Variants in MTHFD1L observed in about 807,000 individuals in gnomAD.
MTHFD1L encodes the protein monofunctional C1-tetrahydrofolate synthase, mitochondrial.
Under a neutral mutation model 119.5 loss-of-function variants are expected in MTHFD1L, and 81 were observed. That is an observed-to-expected ratio of 0.68 (90% CI 0.57 to 0.82). The LOEUF is 0.82. MTHFD1L is among the 40% of genes least tolerant of loss of function. The pLI is 0.00. For synonymous variants in MTHFD1L, 430 were observed against 475.2 expected (o/e 0.90, Z 1.24); for missense variants, 1,125 against 1,253.4 (o/e 0.90, Z 1.55).
chr6:151,048,848 C>A (rs904222126), intron 26 of MTHFD1L, among the ~76,000 whole-genome samples: 3 of 152,216 alleles, frequency 2.0e-5, no homozygotes, highest in Admixed American at 6.5e-5. Flanking sequence ...TAGCACGCTT[C>A]TGTGGCTGGC....
chr6:151,056,802 T>G (rs1790013238), intron 26 of MTHFD1L, among the ~76,000 whole-genome samples: 1 of 152,180 alleles, frequency 6.6e-6, no homozygotes, highest in East Asian at 1.9e-4. Flanking sequence ...TGTGCTTGTC[T>G]GTTTCCCCAC....
At chr6:150,957,614 G>A (rs558622642) in intron 17 of MTHFD1L, among the ~76,000 whole-genome samples, 1 of 152,270 alleles carries the variant, frequency 6.6e-6, no homozygotes, top group Admixed American at 6.5e-5. Flanking sequence ...CAATCCAAAT[G>A]TCCAACAGTA....
intron 16 of MTHFD1L, among the ~76,000 whole-genome samples, chr6:150,952,719 G>C (rs1424936082): frequency 6.6e-6 from 1 of 152,052 alleles, no homozygotes; most frequent in Non-Finnish European, 1.5e-5. Context: ...TAGTAGAGAC[G>C]GGGTTTCATC....
intron 20 of MTHFD1L, among the ~76,000 whole-genome samples, chr6:150,979,699 C>T (rs1777160916): frequency 6.6e-6 from 1 of 152,040 alleles, no homozygotes; most frequent in Non-Finnish European, 1.5e-5. Context: ...GGAGTTTCTC[C>T]ATGTTAGCCA....
chr6:151,094,463 A>C (rs555423867), intron 27 of MTHFD1L, among the ~76,000 whole-genome samples: 14 of 152,306 alleles, frequency 9.2e-5, no homozygotes, highest in Admixed American at 8.5e-4. Context: ...CCCGGGTTCA[A>C]GCAATTCTCT....
chr6:151,038,176 G>A (rs562084223), intron 26 of MTHFD1L, among the ~76,000 whole-genome samples: 1 of 152,286 alleles, frequency 6.6e-6, no homozygotes, highest in South Asian at 2.1e-4. Context: ...GGTTTGAATA[G>A]CACAGAGGTA....
chr6:151,065,158 G>A (rs971037518), intron 26 of MTHFD1L, among the ~76,000 whole-genome samples: 11 of 152,126 alleles, frequency 7.2e-5, no homozygotes, highest in South Asian at 2.1e-4. Context: ...TGGTGATGGC[G>A]TTTAATTTAG....
In MTHFD1L at chr6:151,039,912, C is replaced by T. The variant is rs201674948; in HGVS notation, c.2847+2795C>T. 7.4e-6 allele frequency among the ~76,000 whole-genome samples: 1 copy of T among 135,382 alleles called. No individual in the cohort carries two copies. The allele number at this position is 135,382 out of a possible 152,430, so 88.8% of individuals were successfully genotyped here. On this transcript the variant is annotated intron_variant, in intron 26 of 27. Coordinates refer to ENST00000367321, the MANE Select transcript of MTHFD1L (RefSeq NM_015440.5). The surrounding 1 kb of genome is among the most constrained non-coding windows in gnomAD (Gnocchi z 4.4). ...CCTGGGTGACAGAGCAAGACTTCAT[C>T]TCTAAATACATACATACATACATAC...
chr6:150,920,061 TGTAGGGCTGCTCACA>T (rs1344681145), intron 9 of MTHFD1L, among the ~76,000 whole-genome samples: 2 of 152,172 alleles, frequency 1.3e-5, no homozygotes, highest in East Asian at 3.8e-4. Flanking sequence ...TCCACCTCTC[TGTAGGGCTGCTCACA>T]GTGTGGCAGC....
chr6:150,956,848 A>G (rs960258427), intron 17 of MTHFD1L, among the ~76,000 whole-genome samples: 5 of 150,524 alleles, frequency 3.3e-5, no homozygotes, highest in African/African-American at 9.8e-5. Flanking sequence ...TAAAAAGTGA[A>G]TGTAGGTATT....
chr6:150,896,943 TAA>T (rs59564631), intron 7 of MTHFD1L, among the ~76,000 whole-genome samples: 1 of 146,618 alleles, frequency 6.8e-6, no homozygotes, highest in South Asian at 2.2e-4. Context: ...CTGTCTCTAC[TAA>T]AAAAAAAAAT....
intron 26 of MTHFD1L, among the ~76,000 whole-genome samples, chr6:151,070,233 G>A (rs1791811303): frequency 6.6e-6 from 1 of 152,140 alleles, no homozygotes; most frequent in Admixed American, 6.5e-5. Context: ...ATACTATAAA[G>A]TACTATAATT....
intron 27 of MTHFD1L, chr6:151,100,023 T>G: frequency 1.4e-6 from 1 of 689,796 alleles, no homozygotes. Context: ...AAGAAATATT[T>G]TCTTTCTTTT....
At chr6:151,076,785 A>T (rs1032346214) in intron 26 of MTHFD1L, among the ~76,000 whole-genome samples, 1 of 152,160 alleles carries the variant, frequency 6.6e-6, no homozygotes, top group African/African-American at 2.4e-5. Context: ...GTTTCTTAAA[A>T]AGTTAAAGTG....
At chr6:150,894,580 T>G (rs754031659) in intron 7 of MTHFD1L, among the ~76,000 whole-genome samples, 1 of 152,230 alleles carries the variant, frequency 6.6e-6, no homozygotes, top group Non-Finnish European at 1.5e-5. Flanking sequence ...GCTGTGGACC[T>G]CTTCCTTCCC....
chr6:150,906,276 A>T (rs1171383055), intron 8 of MTHFD1L, among the ~76,000 whole-genome samples: 1 of 152,172 alleles, frequency 6.6e-6, no homozygotes, highest in Non-Finnish European at 1.5e-5. Context: ...TCACCACTAG[A>T]TGCAGAAACT....
intron 16 of MTHFD1L, among the ~76,000 whole-genome samples, chr6:150,953,822 A>T (rs1176262822): frequency 1.8e-4 from 27 of 152,200 alleles, no homozygotes; most frequent in Admixed American, 1.7e-3. Flanking sequence ...TGGTGCCAAG[A>T]TCGTGTATAC....
chr6:150,954,911 C>T (rs1166969897), intron 16 of MTHFD1L, among the ~76,000 whole-genome samples: 1 of 152,070 alleles, frequency 6.6e-6, no homozygotes, highest in African/African-American at 2.4e-5. Context: ...CAGCCAATAA[C>T]TGAAATTCTA....
chr6:150,954,858 G>A lies in MTHFD1L; in HGVS notation c.1727-1137G>A, dbSNP rs80322419. On this transcript the variant is annotated intron_variant, in intron 16 of 27. Transcript: ENST00000367321. ...TCTCAAATTCCTAGGTGACCCTCCCGCCTCAGCCTCCCAAAGTGCTGGGAG... is the reference window on the plus strand; with the variant it reads ...TCTCAAATTCCTAGGTGACCCTCCCACCTCAGCCTCCCAAAGTGCTGGGAG... 3.5e-4 allele frequency among the ~76,000 whole-genome samples: 53 copies of A among 151,864 alleles called. No individual in the cohort carries two copies. The East Asian group carries it at 8.6e-3, about 24-fold the overall frequency.
Sources: gnomAD v4.1 joint callset for allele counts (sites outside exome capture counted in the v4.1 genomes callset) on GRCh38, gnomAD v4.1.1 for gene constraint, Gnocchi (gnomAD v3.1) non-coding constraint, MANE v1.5 for transcripts, NCBI Gene and HGNC (gene_info 2026-07-23, HGNC 2026-07-21) for gene names.